SH3GL3: variants seen among roughly 807,000 people sequenced by gnomAD.
SH3GL3 encodes the protein SH3 domain containing GRB2 like 3, endophilin A3.
In SH3GL3, 33 loss-of-function variants were observed where a neutral mutation model predicts 47.7. The ratio of observed to expected loss-of-function variants is 0.69; its 90% CI spans 0.52 to 0.92. The LOEUF (loss-of-function observed/expected upper bound fraction) is 0.92. Among genes scored for constraint, SH3GL3 ranks in the 40% least tolerant of loss-of-function variants. The pLI is 0.00. For synonymous variants in SH3GL3, 155 were observed against 148.8 expected, an observed-to-expected ratio of 1.04 and a Z score of -0.30; for missense variants, 363 against 417.8, an observed-to-expected ratio of 0.87 and a Z score of 1.14.
At chr15:83,462,920 A>G (rs1018675432) in intron 1 of SH3GL3, among the ~76,000 whole-genome samples, 3 of 152,182 alleles carry the variant, frequency 2.0e-5, no homozygotes, top group Non-Finnish European at 2.9e-5. Context: ...TCTATCCAGG[A>G]CAGGTCCATC....
intron 6 of SH3GL3, among the ~76,000 whole-genome samples, chr15:83,578,977 C>A (rs985958528): frequency 2.0e-5 from 3 of 152,074 alleles, no homozygotes; most frequent in African/African-American, 7.2e-5. Context: ...TGCCTTCATG[C>A]GGGAACCACA....
chr15:83,546,018 A>T (rs911703498), intron 1 of SH3GL3, among the ~76,000 whole-genome samples: 2 of 152,166 alleles, frequency 1.3e-5, no homozygotes, highest in Admixed American at 6.5e-5. Flanking sequence ...AAGATGTATT[A>T]CAACTATTTC....
At chr15:83,531,286 A>G (rs188280081) in intron 1 of SH3GL3, among the ~76,000 whole-genome samples, 2 of 152,350 alleles carry the variant, frequency 1.3e-5, no homozygotes, top group Admixed American at 1.3e-4. Context: ...TCAGCGCAGA[A>G]TGGTTAAGTG....
intron 1 of SH3GL3, among the ~76,000 whole-genome samples, chr15:83,450,804 A>ATTTTTTTTTT (rs34099509): frequency 1.0e-4 from 6 of 58,784 alleles, no homozygotes; most frequent in East Asian, 5.1e-4. Flanking sequence ...TTTTTTTTTA[A>ATTTTTTTTTT]TTTTTTTTTT....
intron 5 of SH3GL3, among the ~76,000 whole-genome samples, chr15:83,573,139 A>G (rs149630249): frequency 6.6e-5 from 10 of 152,348 alleles, no homozygotes; most frequent in African/African-American, 1.4e-4. Context: ...ACTGTTAAAA[A>G]TGGCGTGCAT....
chr15:83,486,834 A>T (rs546552192), intron 1 of SH3GL3, among the ~76,000 whole-genome samples: 1 of 152,276 alleles, frequency 6.6e-6, no homozygotes, highest in South Asian at 2.1e-4. Flanking sequence ...GGCTCTTGGA[A>T]AGGGCCCGCT....
intron 8 of SH3GL3, among the ~76,000 whole-genome samples, chr15:83,592,025 G>C (rs1045732204): frequency 6.6e-6 from 1 of 152,132 alleles, no homozygotes; most frequent in Non-Finnish European, 1.5e-5. Context: ...GTGAGAAATG[G>C]CAGTTTCCCC....
chr15:83,625,275 T>C, the SH3GL3 span, among the ~76,000 whole-genome samples: 9 of 152,232 alleles, frequency 5.9e-5, no homozygotes, highest in Non-Finnish European at 1.5e-5. Flanking sequence ...GGTGAAGAAA[T>C]TGAGGCTTAG....
At chr15:83,609,419 GAC>G (rs2060607785) in intron 8 of SH3GL3, 4 of 435,080 alleles carry the variant, frequency 9.2e-6, no homozygotes, top group Middle Eastern at 5.3e-4. Context: ...ACACTCAAAA[GAC>G]ACAGCAGTCT....
chr15:83,570,723 T>G (rs1201023560), intron 4 of SH3GL3, among the ~76,000 whole-genome samples: 1 of 152,188 alleles, frequency 6.6e-6, no homozygotes, highest in Non-Finnish European at 1.5e-5. Context: ...GGAAATATCT[T>G]TTGAAAAAAA....
chr15:83,631,301 G>A, the SH3GL3 span, among the ~76,000 whole-genome samples: 13 of 152,204 alleles, frequency 8.5e-5, no homozygotes, highest in African/African-American at 2.7e-4. Flanking sequence ...GGTGCATGGT[G>A]CAAGCTGTCA....
At position 83,519,790 on chromosome 15, in the gene SH3GL3, G is replaced by A. The variant is rs117312942; in HGVS notation, c.46-39463G>A. ...TTCCGTATATGGTAAGTATCTATAC[G>A]TGTAAGTGTTTATACGTAGCTGTTT... On this transcript the variant is annotated intron_variant, in intron 1 of 8. Coordinates refer to ENST00000427482, the MANE Select transcript of SH3GL3 (RefSeq NM_003027.5). Among the ~76,000 whole-genome samples, 573 of 152,204 alleles carry A rather than the reference G, an allele frequency of 3.8e-3. 5 individuals are homozygous for A. Among genetic ancestry groups the A allele is most frequent in the Non-Finnish European group, 4.1e-3 (281 of 67,998 alleles).
chr15:83,466,605 G>C (rs983980787), intron 1 of SH3GL3, among the ~76,000 whole-genome samples: 1 of 152,158 alleles, frequency 6.6e-6, no homozygotes, highest in Non-Finnish European at 1.5e-5. Context: ...CGCTGAATCT[G>C]TTTAGGTTTT....
chr15:83,605,637 T>G (rs1187144332), intron 8 of SH3GL3, among the ~76,000 whole-genome samples: 1 of 152,094 alleles, frequency 6.6e-6, no homozygotes, highest in Non-Finnish European at 1.5e-5. Context: ...ATAATATCAT[T>G]GCTAGGTAGT....
chr15:83,562,030 A>ACAAC (rs1323661188), intron 2 of SH3GL3, among the ~76,000 whole-genome samples: 5 of 132,980 alleles, frequency 3.8e-5, no homozygotes, highest in Non-Finnish European at 8.2e-5. Context: ...ACACACACAC[A>ACAAC]ACACACACAC....
intron 1 of SH3GL3, among the ~76,000 whole-genome samples, chr15:83,464,277 C>A (rs937018750): frequency 6.6e-6 from 1 of 152,164 alleles, no homozygotes; most frequent in Non-Finnish European, 1.5e-5. Context: ...GAATCACTAG[C>A]TGTTCCTTCA....
At chr15:83,461,846 T>C (rs1411266532) in intron 1 of SH3GL3, among the ~76,000 whole-genome samples, 19 of 152,206 alleles carry the variant, frequency 1.2e-4, no homozygotes, top group Admixed American at 1.2e-3. Flanking sequence ...CTTATGTAAA[T>C]ACTCAGGACA....
intron 1 of SH3GL3, among the ~76,000 whole-genome samples, chr15:83,515,501 T>C (rs1203839263): frequency 6.7e-6 from 1 of 149,854 alleles, no homozygotes; most frequent in African/African-American, 2.4e-5. Context: ...TATTTTGTCC[T>C]GGGGTAAAGG....
chr15:83,485,716 C>T (rs1293032499), intron 1 of SH3GL3, among the ~76,000 whole-genome samples: 3 of 151,916 alleles, frequency 2.0e-5, no homozygotes, highest in Non-Finnish European at 2.9e-5. Flanking sequence ...AGGCTGGTCT[C>T]GAACTCCTGG....
Sources: allele counts gnomAD v4.1 joint callset (sites outside exome capture counted in the v4.1 genomes callset), GRCh38; gene constraint gnomAD v4.1.1; transcripts MANE v1.5; gene names NCBI Gene and HGNC (gene_info 2026-07-23, HGNC 2026-07-21).